Variants in ENTREP2 observed in about 807,000 individuals in gnomAD.
ENTREP2 encodes the protein protein ENTREP2.
At chr15:29,274,956 G>C in the ENTREP2 span, among the ~76,000 whole-genome samples, 1 of 152,214 alleles carries the variant, frequency 6.6e-6, no homozygotes, top group East Asian at 1.9e-4. Flanking sequence ...TAACGAAGTT[G>C]TTTGTACAGA....
the ENTREP2 span, among the ~76,000 whole-genome samples, chr15:29,606,072 C>T: frequency 6.6e-6 from 1 of 151,998 alleles, no homozygotes; most frequent in East Asian, 1.9e-4. Context: ...CTCCCCTAGA[C>T]CTTATACTTT....
chr15:29,371,911 AATAGATAG>A, the ENTREP2 span, among the ~76,000 whole-genome samples: 11,456 of 149,548 alleles, frequency 0.077, 1,495 homozygotes, highest in African/African-American at 0.26. Flanking sequence ...AAAATAAATA[AATAGATAG>A]ATAGATAGAT....
At chr15:29,216,853 TA>T in the ENTREP2 span, among the ~76,000 whole-genome samples, 1 of 151,586 alleles carries the variant, frequency 6.6e-6, no homozygotes, top group African/African-American at 2.4e-5. Context: ...AACCATTGTT[TA>T]AAAAAAAGAA....
At chr15:29,382,564 G>A in the ENTREP2 span, among the ~76,000 whole-genome samples, 2 of 152,138 alleles carry the variant, frequency 1.3e-5, no homozygotes, top group Non-Finnish European at 2.9e-5. Context: ...TCCTTTCCCA[G>A]GCCAAGTCCT....
the ENTREP2 span, among the ~76,000 whole-genome samples, chr15:29,535,030 G>C: frequency 6.6e-6 from 1 of 152,078 alleles, no homozygotes; most frequent in Non-Finnish European, 1.5e-5. Flanking sequence ...AAGATCACTT[G>C]AGATCAGGAG....
chr15:29,155,093 T>C, the ENTREP2 span, among the ~76,000 whole-genome samples: 1 of 150,260 alleles, frequency 6.7e-6, no homozygotes, highest in Non-Finnish European at 1.5e-5. Context: ...CCATCCTGGC[T>C]AACACGGTGA....
At chr15:29,352,583 C>G in the ENTREP2 span, among the ~76,000 whole-genome samples, 1 of 152,122 alleles carries the variant, frequency 6.6e-6, no homozygotes, top group African/African-American at 2.4e-5. Context: ...GTCTGATGTG[C>G]ATCACCAGCT....
At chr15:29,492,935 C>T in the ENTREP2 span, among the ~76,000 whole-genome samples, 25 of 150,896 alleles carry the variant, frequency 1.7e-4, no homozygotes, top group Non-Finnish European at 2.5e-4. Context: ...ACCCTGGAAG[C>T]GGAGGTTGCA....
At chr15:29,466,363 G>A in the ENTREP2 span, among the ~76,000 whole-genome samples, 1 of 152,296 alleles carries the variant, frequency 6.6e-6, no homozygotes, top group East Asian at 1.9e-4. Context: ...CAGCCAGCAA[G>A]GTAGACACTG....
the ENTREP2 span, among the ~76,000 whole-genome samples, chr15:29,208,773 T>G: frequency 1.3e-5 from 2 of 152,192 alleles, no homozygotes; most frequent in Admixed American, 1.3e-4. Flanking sequence ...AGAATAGCCA[T>G]GCCTGTGTAT....
chr15:29,544,414 A>T, the ENTREP2 span, among the ~76,000 whole-genome samples: 1 of 134,876 alleles, frequency 7.4e-6, no homozygotes, highest in Admixed American at 7.2e-5. Context: ...CTGGAGGTGT[A>T]TGATGTTGAT....
At chr15:29,308,531 C>G in the ENTREP2 span, among the ~76,000 whole-genome samples, 1 of 152,216 alleles carries the variant, frequency 6.6e-6, no homozygotes, top group Admixed American at 6.5e-5. Flanking sequence ...AGCTGCCTCC[C>G]CTTACCAGCG....
the ENTREP2 span, among the ~76,000 whole-genome samples, chr15:29,287,025 C>T: frequency 1.3e-5 from 2 of 152,196 alleles, no homozygotes; most frequent in Non-Finnish European, 2.9e-5. Context: ...TGCAACTGGG[C>T]TGTACCCAAG....
At chr15:29,308,010 CAAAT>C in the ENTREP2 span, among the ~76,000 whole-genome samples, 1 of 152,122 alleles carries the variant, frequency 6.6e-6, no homozygotes, top group Non-Finnish European at 1.5e-5. Flanking sequence ...GTAATGTCAA[CAAAT>C]AAGTAATAAT....
At chr15:29,443,152 T>C in the ENTREP2 span, among the ~76,000 whole-genome samples, 1 of 152,242 alleles carries the variant, frequency 6.6e-6, no homozygotes, top group Non-Finnish European at 1.5e-5. Flanking sequence ...GTTCTGGCCC[T>C]TGGCCTCTAC....
the ENTREP2 span, among the ~76,000 whole-genome samples, chr15:29,402,292 T>TTTTGTGTG: frequency 1.5e-5 from 2 of 131,700 alleles, no homozygotes; most frequent in African/African-American, 2.7e-5. Context: ...GTATATTGTA[T>TTTTGTGTG]TGTGTGTGTG....
the ENTREP2 span, among the ~76,000 whole-genome samples, chr15:29,177,088 C>T: frequency 6.6e-6 from 1 of 152,184 alleles, no homozygotes; most frequent in African/African-American, 2.4e-5. Flanking sequence ...CAGCTCTCCA[C>T]CTGGGAGCTG....
the ENTREP2 span, among the ~76,000 whole-genome samples, chr15:29,516,382 T>C: frequency 1.3e-5 from 2 of 152,238 alleles, no homozygotes; most frequent in African/African-American, 2.4e-5. Flanking sequence ...TGCATGGATC[T>C]ATACATACCA....
chr15:29,119,107 G>A, the ENTREP2 span, among the ~76,000 whole-genome samples: 3 of 152,136 alleles, frequency 2.0e-5, no homozygotes, highest in African/African-American at 7.2e-5. Flanking sequence ...GGCCATCAGG[G>A]GCATATAAAA....
Sources: allele counts gnomAD v4.1 joint callset (sites outside exome capture counted in the v4.1 genomes callset), GRCh38; gene constraint gnomAD v4.1.1; transcripts MANE v1.5; gene names NCBI Gene and HGNC (gene_info 2026-07-23, HGNC 2026-07-21).